CALB2: variants seen among roughly 807,000 people sequenced by gnomAD.
The protein encoded by CALB2 is calbindin 2.
Under a neutral mutation model 45.9 loss-of-function variants are expected in CALB2, and 34 were observed. The observed-to-expected ratio is 0.74, with a 90% CI of 0.56 to 0.99. The LOEUF (loss-of-function observed/expected upper bound fraction) is 0.99, where lower values mean the gene tolerates loss of function less well. Among genes scored for constraint, CALB2 ranks in the 50% least tolerant of loss-of-function variants. CALB2 has a pLI of 0.00. For missense variants in CALB2, 344 were observed against 339.3 expected (o/e 1.01, Z -0.11); for synonymous variants, 142 against 129.6 (o/e 1.10, Z -0.65).
intron 3 of CALB2, 97 bp downstream of exon 3, chr16:71,374,931 G>GT: frequency 2.4e-6 from 2 of 816,814 alleles, no homozygotes; most frequent in Non-Finnish European, 4.0e-6. Flanking sequence ...TTGGAGTGAG[G>GT]TGGGGGCCTC....
At chr16:71,366,024 C>CTTTTTTTTTTTTTTTTTTTT (rs1171021532) in intron 1 of CALB2, among the ~76,000 whole-genome samples, 11 of 45,062 alleles carry the variant, frequency 2.4e-4, no homozygotes, top group South Asian at 1.6e-3. Context: ...CTCTCTCTCT[C>CTTTTTTTTTTTTTTTTTTTT]TTTTTTTTTT....
chr16:71,367,587 C>T (rs1362504041), intron 1 of CALB2, among the ~76,000 whole-genome samples: 1 of 152,284 alleles, frequency 6.6e-6, no homozygotes. Flanking sequence ...ACCTGCCGAT[C>T]TCTCCTGTGT....
intron 9 of CALB2, chr16:71,385,357 GCAC>G: frequency 4.2e-6 from 2 of 474,700 alleles, no homozygotes; most frequent in South Asian, 4.5e-5. Flanking sequence ...CACATGAAAA[GCAC>G]CACAATGAAA....
intron 5 of CALB2, 116 bp downstream of exon 5, chr16:71,382,891 A>C (rs564593187): frequency 2.3e-6 from 2 of 866,776 alleles, no homozygotes; most frequent in Non-Finnish European, 1.8e-6. Context: ...AGGAATACTC[A>C]GACCTGGCAC....
chr16:71,360,225 A>T (rs975754655), intron 1 of CALB2, among the ~76,000 whole-genome samples: 4 of 152,096 alleles, frequency 2.6e-5, no homozygotes, highest in Non-Finnish European at 4.4e-5. Flanking sequence ...CTCTGCCCAG[A>T]GTGCTATGGG....
intron 4 of CALB2, among the ~76,000 whole-genome samples, chr16:71,380,676 C>G (rs62055052): frequency 0.14 from 21,472 of 151,948 alleles, 1,648 homozygotes; most frequent in South Asian, 0.19. Flanking sequence ...GAGACATGCC[C>G]GCCACGGTTT....
At chr16:71,383,312 A>C in intron 5 of CALB2, 55 bp from the exon 6 acceptor site, 1 of 1,491,568 alleles carries the variant, frequency 6.7e-7, no homozygotes. Context: ...TAAGGAAATG[A>C]ATGAGGGACC....
chr16:71,374,725 C>T lies in CALB2; in HGVS notation c.172-20C>T. On this transcript the variant is annotated intron_variant, in intron 2 of 10. Transcript: ENST00000302628. The stretch of plus-strand genomic sequence containing the variant: ...CATGAGATACAGCAGCAAAAATCAG[C>T]CCCCTTTGTCTTTCCACAGATGTCA... The T allele has an allele frequency of 1.3e-6, 2 of 1,550,052 alleles. No homozygotes were observed. Among genetic ancestry groups the T allele is most frequent in the Non-Finnish European group, 1.8e-6 (2 of 1,122,332 alleles).
chr16:71,389,261 A>C (rs1261782359), intron 10 of CALB2, among the ~76,000 whole-genome samples: 1 of 152,140 alleles, frequency 6.6e-6, no homozygotes, highest in Non-Finnish European at 1.5e-5. Flanking sequence ...GGAGGCTAGA[A>C]GGCAAGACCA....
At chr16:71,387,674 C>A (rs931719734) in intron 10 of CALB2, among the ~76,000 whole-genome samples, 3 of 152,174 alleles carry the variant, frequency 2.0e-5, no homozygotes, top group Non-Finnish European at 4.4e-5. Flanking sequence ...AGGAAGTAAG[C>A]AGCCCCTCCC....
chr16:71,368,930 A>T (rs187899678), intron 1 of CALB2, among the ~76,000 whole-genome samples: 1 of 152,158 alleles, frequency 6.6e-6, no homozygotes, highest in Admixed American at 6.5e-5. Context: ...AGAAAAAAAG[A>T]TGGAGTAAAA....
At chr16:71,358,946 G>T in intron 1 of CALB2, 60 bp downstream of exon 1, 1 of 1,443,300 alleles carries the variant, frequency 6.9e-7, no homozygotes, top group Non-Finnish European at 9.6e-7. Context: ...GGTGAAGGGG[G>T]CAGGGGGCGG....
chr16:71,383,154 T>C (rs995048262), intron 5 of CALB2, among the ~76,000 whole-genome samples: 3 of 152,138 alleles, frequency 2.0e-5, no homozygotes, highest in African/African-American at 4.8e-5. Context: ...CTCTAGCGCC[T>C]ATTCTGTGAG....
intron 10 of CALB2, among the ~76,000 whole-genome samples, chr16:71,388,346 A>AAGAAAAAGAAAAAGAAAAAG: frequency 7.3e-6 from 1 of 137,154 alleles, no homozygotes; most frequent in South Asian, 2.6e-4. Context: ...AAAAAAAAAA[A>AAGAAAAAGAAAAAGAAAAAG]AAAAAGAAAA....
At chr16:71,365,662 G>T (rs2042276156) in intron 1 of CALB2, among the ~76,000 whole-genome samples, 1 of 152,130 alleles carries the variant, frequency 6.6e-6, no homozygotes, top group Admixed American at 6.5e-5. Flanking sequence ...AAGCACCCAG[G>T]TAGTTCCAAT....
intron 4 of CALB2, among the ~76,000 whole-genome samples, chr16:71,380,843 A>C (rs1005590217): frequency 6.6e-6 from 1 of 152,138 alleles, no homozygotes; most frequent in African/African-American, 2.4e-5. Context: ...TCAGCACAAC[A>C]ACTCCTAATT....
intron 10 of CALB2, chr16:71,389,430 T>G (rs2042610539): frequency 4.0e-6 from 2 of 497,210 alleles, no homozygotes. Flanking sequence ...CTGATGTGGC[T>G]TATATTCATT....
chr16:71,386,371 G>C (rs2042571384), intron 10 of CALB2, among the ~76,000 whole-genome samples: 1 of 150,762 alleles, frequency 6.6e-6, no homozygotes, highest in Admixed American at 6.6e-5. Flanking sequence ...CACACAAAGA[G>C]AGATTCTGGA....
intron 1 of CALB2, among the ~76,000 whole-genome samples, chr16:71,370,415 A>G (rs900998688): frequency 2.0e-5 from 3 of 152,160 alleles, no homozygotes; most frequent in African/African-American, 7.2e-5. Flanking sequence ...CTTTAGATCA[A>G]ATTTGGAACT....
Sources: allele counts gnomAD v4.1 joint callset (sites outside exome capture counted in the v4.1 genomes callset), GRCh38; gene constraint gnomAD v4.1.1; transcripts MANE v1.5; gene names NCBI Gene and HGNC (gene_info 2026-07-23, HGNC 2026-07-21).